CENPE: variants seen among roughly 807,000 people sequenced by gnomAD.
CENPE encodes centromere protein E.
CENPE carries 145 observed loss-of-function variants against 336.1 expected under a neutral mutation model. The observed-to-expected ratio is 0.43, with a 90% CI of 0.38 to 0.50. The LOEUF (loss-of-function observed/expected upper bound fraction) is 0.50, where lower values mean the gene tolerates loss of function less well. Among genes scored for constraint, CENPE ranks in the 20% least tolerant of loss-of-function variants. The pLI is 0.00. For missense variants in CENPE, 2,719 were observed against 3,023.3 expected (o/e 0.90, Z 2.36); for synonymous variants, 1,013 against 984.8 (o/e 1.03, Z -0.54).
Position 103,163,173 on chromosome 4 carries a change from C to G in CENPE, c.1806G>C (p.Lys602Asn), listed in dbSNP as rs1214206990. ...ACAAGTCCATTTTTATATTTTCTAGCTTTTGAGAGTCTATGTATTCCTGTA... is the reference window on the plus strand; with the variant it reads ...ACAAGTCCATTTTTATATTTTCTAGGTTTTGAGAGTCTATGTATTCCTGTA... ...KKLQEYIDSQKLENIKMDLSY... is the reference protein window; with the variant it reads ...KKLQEYIDSQNLENIKMDLSY... Residue 602 changes from lysine to asparagine, a missense_variant, in exon 18 of 49, where the codon AAG (lysine) becomes AAC (asparagine). This residue lies in a region of CENPE where 2,437 missense variants were observed against 2,513.3 expected (regional missense o/e 0.97). Coordinates refer to ENST00000265148, the MANE Select transcript of CENPE (RefSeq NM_001813.3). The G allele has an allele frequency of 6.2e-7, 1 of 1,610,278 alleles. No individual in the cohort carries two copies. The highest frequency in any genetic ancestry group is 8.5e-7 in the Non-Finnish European group (1 of 1,178,164).
chr4:103,140,451 TA>T, intron 36 of CENPE, 37 bp from the exon 37 acceptor site: 1 of 1,361,580 alleles, frequency 7.3e-7, no homozygotes. Context: ...TGTAATGATA[TA>T]AAGGCACGTT....
intron 16 of CENPE, among the ~76,000 whole-genome samples, chr4:103,167,782 T>C (rs1755049433): frequency 6.6e-6 from 1 of 152,218 alleles, no homozygotes; most frequent in Admixed American, 6.5e-5. Context: ...GTCCCATTCC[T>C]TGAAGGACTT....
chr4:103,139,373 A>G (rs1369850003), intron 38 of CENPE, among the ~76,000 whole-genome samples: 1 of 152,092 alleles, frequency 6.6e-6, no homozygotes, highest in Non-Finnish European at 1.5e-5. Flanking sequence ...TAATTTTTAT[A>G]TTTATCTTCC....
At chr4:103,173,341 A>C (rs1755571460) in intron 16 of CENPE, among the ~76,000 whole-genome samples, 1 of 152,048 alleles carries the variant, frequency 6.6e-6, no homozygotes, top group South Asian at 2.1e-4. Context: ...GTCTCTCATC[A>C]TATACAAGAA....
chr4:103,173,926 T>C (rs1404578658), intron 16 of CENPE, among the ~76,000 whole-genome samples: 1 of 151,788 alleles, frequency 6.6e-6, no homozygotes, highest in African/African-American at 2.4e-5. Context: ...TAGGAATATA[T>C]AGAAAACAGT....
At chr4:103,127,384 T>G (rs1751216745) in intron 42 of CENPE, among the ~76,000 whole-genome samples, 1 of 152,088 alleles carries the variant, frequency 6.6e-6, no homozygotes. Flanking sequence ...AATAAAGACT[T>G]TCTGAGACAA....
chr4:103,147,720 A>T, intron 28 of CENPE, 74 bp from the exon 29 acceptor site: 1 of 1,341,364 alleles, frequency 7.5e-7, no homozygotes, highest in Non-Finnish European at 1.0e-6. Flanking sequence ...TTGAGACGGC[A>T]TCTCACTCTG....
chr4:103,159,608 C>T (rs1754264192), intron 21 of CENPE, among the ~76,000 whole-genome samples: 1 of 151,722 alleles, frequency 6.6e-6, no homozygotes, highest in Non-Finnish European at 1.5e-5. Flanking sequence ...ATTTCCTTAC[C>T]TATCATTTTA....
intron 44 of CENPE, among the ~76,000 whole-genome samples, chr4:103,117,067 T>C (rs1480260849): frequency 6.6e-6 from 1 of 152,174 alleles, no homozygotes; most frequent in Non-Finnish European, 1.5e-5. Flanking sequence ...GGAGCAGTGA[T>C]GTAAACATCA....
At position 103,147,392 on chromosome 4, in the gene CENPE, GT is replaced by G. The variant is rs750147193; in HGVS notation, c.4097del (p.Asp1366AlafsTer3). 1 of 1,610,786 alleles carries G rather than the reference GT, an allele frequency of 6.2e-7. No homozygotes were observed. Among genetic ancestry groups the G allele is most frequent in the Admixed American group, 1.7e-5 (1 of 59,492 alleles). ...TIKEALEVKH[D>X]QLKEHIRETL... ...TTTCTCTAATATGTTCTTTCAGCTG[GT>G]CATGTTTAACTTCAAGGGCTTCTTT... is the stretch of plus-strand genomic sequence containing the variant. On this transcript the variant is annotated frameshift_variant, in exon 29 of 49. Coordinates refer to ENST00000265148, the MANE Select transcript of CENPE (RefSeq NM_001813.3). LOFTEE classifies it high-confidence loss of function.
At chr4:103,174,096 A>G (rs1284417787) in intron 16 of CENPE, among the ~76,000 whole-genome samples, 2 of 151,902 alleles carry the variant, frequency 1.3e-5, no homozygotes, top group African/African-American at 2.4e-5. Flanking sequence ...TATGGAACCA[A>G]CCTAAGAGTC....
In CENPE at chr4:103,120,209, G is replaced by T; in HGVS notation, c.7268C>A (p.Ala2423Asp). 6.2e-7 allele frequency: 1 copy of T among 1,611,560 alleles called. No homozygotes were observed. The highest frequency in any genetic ancestry group is 8.5e-7 in the Non-Finnish European group (1 of 1,179,026). ...VTNDIIAKLQ[A>D]KVHESNKCLE... Reference sequence around the variant, plus strand: ...GCATTTATTTGATTCATGAACTTTGGCTTGAAGTTTTGCTATTATGTCATT... The same window carrying T: ...GCATTTATTTGATTCATGAACTTTGTCTTGAAGTTTTGCTATTATGTCATT... Residue 2423 changes from alanine (A) to aspartate (D), a missense_variant, in exon 44 of 49, where the codon GCC (alanine) becomes GAC (aspartate). By Grantham distance (126) the Ala-to-Asp change is moderately radical. This residue lies in a region of CENPE where 2,437 missense variants were observed against 2,513.3 expected (regional missense o/e 0.97). Coordinates refer to ENST00000265148, the MANE Select transcript of CENPE (RefSeq NM_001813.3).
At chr4:103,144,236 T>G (rs1170602242) in intron 33 of CENPE, 95 bp downstream of exon 33, 1 of 1,149,788 alleles carries the variant, frequency 8.7e-7, no homozygotes, top group African/African-American at 1.6e-5. Flanking sequence ...GCGCCCGGCC[T>G]GGACCAATTT....
intron 9 of CENPE, among the ~76,000 whole-genome samples, chr4:103,185,609 T>C (rs1426502799): frequency 6.6e-6 from 1 of 152,110 alleles, no homozygotes; most frequent in Non-Finnish European, 1.5e-5. Context: ...ATTGATGCTA[T>C]TGTAGACTAA....
chr4:103,120,157 T>C lies in CENPE; in HGVS notation c.7320A>G (p.Gln2440=), dbSNP rs760057241. 4 of 1,597,244 alleles carry C rather than the reference T, an allele frequency of 2.5e-6. No individual in the cohort carries two copies. The South Asian group carries it at 3.4e-5, about 14-fold the overall frequency. The change falls in exon 44 of 49, where the codon CAA becomes CAG. Residue 2440 remains glutamine (Q), a synonymous_variant. Transcript: ENST00000265148. ...TTTATGTTTAAGTTACCTGAAGTACTTGAATTGTCTCTTTTGTTTTTTCAA... is the reference window on the plus strand; with the variant it reads ...TTTATGTTTAAGTTACCTGAAGTACCTGAATTGTCTCTTTTGTTTTTTCAA... ...KCLEKTKETI[Q]VLQDKVALGA... is the part of the protein sequence containing the mutation.
At position 103,158,358 on chromosome 4, in the gene CENPE, G is replaced by T. The variant is rs569161882; in HGVS notation, c.2975C>A (p.Ser992Tyr). The T allele has an allele frequency of 3.1e-6, 5 of 1,609,436 alleles. No homozygotes were observed. In the South Asian group the frequency reaches 5.5e-5, roughly 18 times the overall value. ...ATTTTCCTCCATATGCAAATTCCTG[G>T]AAACTTCCTCAGAAATTTTCGATTT... is the stretch of plus-strand genomic sequence containing the variant. ...TLKSKISEEV[S>Y]RNLHMEENTG... The change falls in exon 24 of 49, where the codon TCC (serine) becomes TAC (tyrosine). Residue 992 changes from serine (S) to tyrosine (Y), a missense_variant. Ser to Tyr is a moderately radical substitution (Grantham distance 144). Around this residue, in one of 5 missense-constraint regions of CENPE, gnomAD observed 2,437 missense variants for 2,513.3 expected, o/e 0.97. Coordinates refer to ENST00000265148, the MANE Select transcript of CENPE (RefSeq NM_001813.3).
intron 39 of CENPE, among the ~76,000 whole-genome samples, chr4:103,137,658 G>A (rs1001823374): frequency 1.3e-5 from 2 of 152,230 alleles, no homozygotes; most frequent in Middle Eastern, 6.8e-3. Context: ...TCCAACAGGT[G>A]TGACTGTAAA....
intron 14 of CENPE, 30 bp from the exon 15 acceptor site, chr4:103,176,078 A>G: frequency 7.2e-7 from 1 of 1,382,820 alleles, no homozygotes; most frequent in South Asian, 1.3e-5. Flanking sequence ...AAATTTGTCC[A>G]TGAACATGTT....
intron 16 of CENPE, among the ~76,000 whole-genome samples, chr4:103,168,323 T>C (rs931075065): frequency 6.6e-6 from 1 of 152,162 alleles, no homozygotes; most frequent in Non-Finnish European, 1.5e-5. Context: ...ATCTTTCCCA[T>C]AATAGATCCT....
Sources: allele counts gnomAD v4.1 joint callset (sites outside exome capture counted in the v4.1 genomes callset), GRCh38; gene constraint gnomAD v4.1.1; regional missense constraint gnomAD v4.1.1; transcripts MANE v1.5; gene names NCBI Gene and HGNC (gene_info 2026-07-23, HGNC 2026-07-21).